LYN: variants seen among roughly 807,000 people sequenced by gnomAD.
LYN encodes the protein LYN proto-oncogene, Src family tyrosine kinase, also known as tyrosine-protein kinase Lyn.
A neutral mutation model predicts 65.0 loss-of-function variants in LYN; 12 were observed. The ratio of observed to expected loss-of-function variants is 0.18; its 90% CI spans 0.12 to 0.30. LYN has a LOEUF of 0.30. Ranked by LOEUF, LYN falls within the 10% of genes least tolerant of loss-of-function variation. The pLI is 1.00. For missense variants in LYN, 380 were observed against 623.2 expected (o/e 0.61, Z 4.16); for synonymous variants, 222 against 221.2 (o/e 1.00, Z -0.03).
intron 10 of LYN, among the ~76,000 whole-genome samples, chr8:55,983,387 C>T (rs1339320947): frequency 1.3e-5 from 2 of 152,180 alleles, no homozygotes; most frequent in African/African-American, 2.4e-5. Flanking sequence ...TTAGCGTTTT[C>T]CCTCACTTCT....
At chr8:55,908,304 G>A (rs956037597) in intron 1 of LYN, among the ~76,000 whole-genome samples, 5 of 151,178 alleles carry the variant, frequency 3.3e-5, no homozygotes, top group African/African-American at 9.8e-5. Context: ...GAGTGCAGTG[G>A]TGCAATCTCG....
At chr8:55,889,488 G>A (rs761264151) in intron 1 of LYN, among the ~76,000 whole-genome samples, 8 of 152,152 alleles carry the variant, frequency 5.3e-5, no homozygotes, top group African/African-American at 9.7e-5. Context: ...GATTACAGGC[G>A]TGAGCCACCA....
intron 8 of LYN, among the ~76,000 whole-genome samples, chr8:55,959,945 A>G (rs1335861385): frequency 6.6e-6 from 1 of 152,204 alleles, no homozygotes; most frequent in Non-Finnish European, 1.5e-5. Context: ...TTCCATTTAT[A>G]TGAAATGTCC....
chr8:56,012,076 G>T lies in LYN; in HGVS notation c.*1966G>T, dbSNP rs758304590. On this transcript the variant is annotated 3_prime_UTR_variant, in exon 13 of 13. Transcript: ENST00000519728. ...CTCCTCTTCTTGCCATTTTCCACTTGTCTTTCCCTCCCAATCAAGCCTGTG... is the reference window on the plus strand; with the variant it reads ...CTCCTCTTCTTGCCATTTTCCACTTTTCTTTCCCTCCCAATCAAGCCTGTG... 1.6e-5 allele frequency: 3 copies of T among 190,480 alleles called. No homozygotes were observed. Among genetic ancestry groups the T allele is most frequent in the Non-Finnish European group, 2.2e-5 (2 of 91,190 alleles). The allele number at this position is 190,480 out of a possible 1,614,324, so 11.8% of individuals were successfully genotyped here.
At chr8:55,884,653 C>T (rs1461949077) in intron 1 of LYN, among the ~76,000 whole-genome samples, 3 of 147,894 alleles carry the variant, frequency 2.0e-5, no homozygotes, top group East Asian at 2.1e-4. Flanking sequence ...ATGGGTTTCA[C>T]CATGTTGGCC....
At chr8:55,987,000 G>A (rs1020834423) in intron 10 of LYN, among the ~76,000 whole-genome samples, 4 of 152,180 alleles carry the variant, frequency 2.6e-5, no homozygotes, top group Non-Finnish European at 1.5e-5. Flanking sequence ...ACAGGTGGGA[G>A]CCGCCACATT....
At chr8:55,887,579 C>T (rs78665434) in intron 1 of LYN, among the ~76,000 whole-genome samples, 9 of 100,492 alleles carry the variant, frequency 9.0e-5, no homozygotes, top group East Asian at 3.8e-4. Context: ...TATATATACA[C>T]ACACACACAC....
At position 55,947,641 on chromosome 8, in the gene LYN, G is replaced by C. The variant is rs1249218775; in HGVS notation, c.202G>C (p.Val68Leu). The change falls in exon 4 of 13, where the codon GTG (valine) becomes CTG (leucine). Residue 68 changes from valine to leucine, a missense_variant. Val to Leu is a conservative substitution (Grantham distance 32). This residue lies in a region of LYN where 157 missense variants were observed against 193.2 expected (regional missense o/e 0.81). Transcript: ENST00000519728. ...TKDPEEQGDIVVALYPYDGIH... is the reference protein window; with the variant it reads ...TKDPEEQGDILVALYPYDGIH... ...AGATCCAGAGGAACAAGGAGACATT[G>C]TGGTAGCCTTGTACCCCTATGATGG... 6.2e-7 allele frequency: 1 copy of C among 1,613,306 alleles called. No homozygotes were observed. Among genetic ancestry groups the C allele is most frequent in the Admixed American group, 1.7e-5 (1 of 60,020 alleles).
chr8:55,947,694 G>A lies in LYN; in HGVS notation c.255G>A (p.Lys85=). 1 of 1,613,942 alleles carries A rather than the reference G, an allele frequency of 6.2e-7. No homozygotes were observed. The highest frequency in any genetic ancestry group is 8.5e-7 in the Non-Finnish European group (1 of 1,179,818). Residue 85 remains lysine (K), a synonymous_variant, in exon 4 of 13, where the codon AAG becomes AAA. Transcript: ENST00000519728. ...TCCACCCGGACGACTTGTCTTTCAAGAAAGGAGAGAAGATGAAAGTCCTGG... is the reference window on the plus strand; with the variant it reads ...TCCACCCGGACGACTTGTCTTTCAAAAAAGGAGAGAAGATGAAAGTCCTGG... ...DGIHPDDLSF[K]KGEKMKVLEE...
intron 1 of LYN, among the ~76,000 whole-genome samples, chr8:55,890,504 A>G (rs749914739): frequency 6.6e-6 from 1 of 152,216 alleles, no homozygotes; most frequent in African/African-American, 2.4e-5. Context: ...TGCTACAGCT[A>G]TGATGGAAAA....
At chr8:55,933,119 T>G (rs377130895) in intron 1 of LYN, among the ~76,000 whole-genome samples, 1 of 152,212 alleles carries the variant, frequency 6.6e-6, no homozygotes, top group East Asian at 1.9e-4. Context: ...AAATAAAAGT[T>G]GAAATTATTT....
chr8:55,959,680 C>T (rs1161891552), intron 8 of LYN, among the ~76,000 whole-genome samples: 1 of 151,852 alleles, frequency 6.6e-6, no homozygotes, highest in African/African-American at 2.4e-5. Flanking sequence ...AACATATGTC[C>T]ACGCAAAAAC....
chr8:55,982,369 A>G (rs181574993), intron 10 of LYN, among the ~76,000 whole-genome samples: 17 of 152,218 alleles, frequency 1.1e-4, no homozygotes, highest in Non-Finnish European at 2.5e-4. Flanking sequence ...AACCATTTCA[A>G]AAAGTTTTGA....
intron 1 of LYN, 120 bp from the exon 2 acceptor site, chr8:55,941,735 A>G (rs959958164): frequency 3.1e-6 from 2 of 642,098 alleles, no homozygotes; most frequent in Non-Finnish European, 5.2e-6. Flanking sequence ...GAGTTTATTA[A>G]TCTATATATG....
intron 10 of LYN, among the ~76,000 whole-genome samples, chr8:55,972,522 C>A (rs78417506): frequency 6.6e-5 from 10 of 152,192 alleles, no homozygotes; most frequent in Non-Finnish European, 1.2e-4. Flanking sequence ...CTGCTCACTG[C>A]GCCTGCTCCC....
rs567675316 is a variant in LYN, at chr8:55,913,610, A to G, written c.-5-28245A>G. 6.6e-5 allele frequency among the ~76,000 whole-genome samples: 10 copies of G among 152,352 alleles called. No homozygotes were observed. In the South Asian group the frequency reaches 1.9e-3, roughly 28 times the overall value. On this transcript the variant is annotated intron_variant, in intron 1 of 12. Transcript: ENST00000519728. ...TATTTTATTAATGAAATGATTCAGC[A>G]AAGTGTAAACGCCCGTAATGGGCTT...
intron 1 of LYN, among the ~76,000 whole-genome samples, chr8:55,915,917 C>CTA (rs1204383623): frequency 6.6e-6 from 1 of 152,142 alleles, no homozygotes; most frequent in Non-Finnish European, 1.5e-5. Flanking sequence ...CCTGTACTTA[C>CTA]TATCACCATA....
chr8:55,978,712 T>G (rs1380856796), intron 10 of LYN, among the ~76,000 whole-genome samples: 1 of 152,164 alleles, frequency 6.6e-6, no homozygotes, highest in East Asian at 1.9e-4. Flanking sequence ...GAGGTGGGGT[T>G]GCAGCGCAGG....
At chr8:55,978,549 G>A (rs1271385925) in intron 10 of LYN, among the ~76,000 whole-genome samples, 2 of 152,202 alleles carry the variant, frequency 1.3e-5, no homozygotes, top group African/African-American at 4.8e-5. Flanking sequence ...GGCTGGTGCT[G>A]CAGACAGTCA....
Sources: gnomAD v4.1 joint callset for allele counts (sites outside exome capture counted in the v4.1 genomes callset) on GRCh38, gnomAD v4.1.1 for gene constraint, gnomAD v4.1.1 regional missense constraint, MANE v1.5 for transcripts, NCBI Gene and HGNC (gene_info 2026-07-23, HGNC 2026-07-21) for gene names.